The following WWOX variants were observed in gnomAD, a reference collection of about 807,000 sequenced individuals.
The protein encoded by WWOX is WW domain containing oxidoreductase, also known as WW domain-containing oxidoreductase.
A neutral mutation model predicts 46.2 loss-of-function variants in WWOX; 69 were observed. That is an observed-to-expected ratio of 1.49 (90% CI 1.23 to 1.82). WWOX has a LOEUF of 1.82. Among genes scored for constraint, WWOX ranks in the 40% most tolerant of loss-of-function variants. The pLI is 0.00. For synonymous variants in WWOX, 359 were observed against 202.6 expected (o/e 1.77, Z -6.56); for missense variants, 919 against 542.6 (o/e 1.69, Z -6.89).
chr16:79,101,667 C>G (rs1437269222), intron 8 of WWOX: 1 of 150,504 alleles, frequency 6.6e-6, no homozygotes, highest in African/African-American at 2.5e-5. Flanking sequence ...GAAGACGCAA[C>G]AGACAGAAAC....
intron 8 of WWOX, among the ~76,000 whole-genome samples, chr16:79,071,339 A>G (rs763292831): frequency 3.3e-5 from 5 of 152,186 alleles, no homozygotes; most frequent in Non-Finnish European, 5.9e-5. Context: ...AAGTTGGTGT[A>G]CTTGTTAAAG....
chr16:78,786,528 G>A (rs916167555), intron 8 of WWOX, among the ~76,000 whole-genome samples: 6 of 152,164 alleles, frequency 3.9e-5, no homozygotes, highest in Non-Finnish European at 7.4e-5. Context: ...CTTATATAAT[G>A]TTTTTCTTTT....
intron 8 of WWOX, chr16:78,757,104 T>G (rs1385712543): frequency 1.4e-6 from 1 of 692,556 alleles, no homozygotes; most frequent in Non-Finnish European, 2.6e-6. Context: ...ACTGGAACTT[T>G]ATTTGAGCCC....
intron 8 of WWOX, among the ~76,000 whole-genome samples, chr16:78,542,392 C>T (rs554125864): frequency 1.3e-5 from 2 of 152,228 alleles, no homozygotes; most frequent in African/African-American, 2.4e-5. Context: ...CAGAAGAAGA[C>T]AGAGTGGTGT....
intron 8 of WWOX, chr16:79,077,321 G>A (rs1379604909): frequency 6.6e-6 from 1 of 152,114 alleles, no homozygotes; most frequent in East Asian, 1.9e-4. Context: ...ATTTCAGCGT[G>A]GAACAGGGCA....
At chr16:78,679,303 C>G (rs1348365273) in intron 8 of WWOX, among the ~76,000 whole-genome samples, 2 of 152,206 alleles carry the variant, frequency 1.3e-5, no homozygotes, top group Non-Finnish European at 2.9e-5. Flanking sequence ...GTAATCCCAG[C>G]ACTTTGGGAG....
intron 8 of WWOX, among the ~76,000 whole-genome samples, chr16:78,972,563 T>G (rs563228451): frequency 1.4e-4 from 21 of 151,970 alleles, no homozygotes; most frequent in African/African-American, 5.1e-4. Context: ...AAATTTACCG[T>G]CATCAGCAGG....
At chr16:78,442,989 G>C (rs1463948358) in intron 8 of WWOX, among the ~76,000 whole-genome samples, 3 of 151,898 alleles carry the variant, frequency 2.0e-5, no homozygotes, top group Non-Finnish European at 4.4e-5. Flanking sequence ...CAGGCGTGGT[G>C]GTGGGGCGCG....
intron 8 of WWOX, among the ~76,000 whole-genome samples, chr16:79,038,525 TATC>T (rs1262238999): frequency 6.6e-6 from 1 of 152,234 alleles, no homozygotes; most frequent in Non-Finnish European, 1.5e-5. Flanking sequence ...AACAATATAT[TATC>T]AGAGTTTTCT....
chr16:78,823,713 A>T (rs1339376214), intron 8 of WWOX, among the ~76,000 whole-genome samples: 1 of 152,024 alleles, frequency 6.6e-6, no homozygotes, highest in African/African-American at 2.4e-5. Context: ...GCTGATATGC[A>T]TGTCTTAACT....
At chr16:78,833,725 C>T (rs557838236) in intron 8 of WWOX, among the ~76,000 whole-genome samples, 102 of 152,366 alleles carry the variant, frequency 6.7e-4, no homozygotes, top group Non-Finnish European at 1.2e-3. Context: ...TCAGCATCCT[C>T]TGTGAAACTG....
At chr16:78,631,338 G>C (rs971492581) in intron 8 of WWOX, among the ~76,000 whole-genome samples, 1 of 152,062 alleles carries the variant, frequency 6.6e-6, no homozygotes, top group Non-Finnish European at 1.5e-5. Flanking sequence ...TGGTTGCTGA[G>C]ACAGAGCTGG....
intron 8 of WWOX, among the ~76,000 whole-genome samples, chr16:78,594,069 T>TATAAAGTCTGCGGCAAGAGGATG: frequency 6.6e-6 from 1 of 152,154 alleles, no homozygotes; most frequent in Non-Finnish European, 1.5e-5. Context: ...TGATCACGTT[T>TATAAAGTCTGCGGCAAGAGGATG]ATAAAGTCTG....
intron 6 of WWOX, among the ~76,000 whole-genome samples, chr16:78,412,373 G>C (rs1048521406): frequency 5.5e-4 from 84 of 152,300 alleles, no homozygotes; most frequent in African/African-American, 2.0e-3. Flanking sequence ...AGATAAGACT[G>C]ACAGGTGGGA....
chr16:78,540,696 T>TA (rs112608692), intron 8 of WWOX, among the ~76,000 whole-genome samples: 1,871 of 145,148 alleles, frequency 0.013, 9 homozygotes, highest in Non-Finnish European at 0.02. Context: ...GATATTTTGT[T>TA]AAAAAAAAAA....
At chr16:78,696,451 G>A (rs2048101380) in intron 8 of WWOX, among the ~76,000 whole-genome samples, 5 of 151,968 alleles carry the variant, frequency 3.3e-5, no homozygotes, top group South Asian at 2.1e-4. Context: ...AGTAGAAACC[G>A]AACTTTACAT....
chr16:78,394,278 G>T (rs973462443), intron 6 of WWOX, among the ~76,000 whole-genome samples: 1 of 152,244 alleles, frequency 6.6e-6, no homozygotes, highest in East Asian at 1.9e-4. Context: ...AAAACCCAAA[G>T]AAAAGAAAAA....
chr16:78,959,007 G>A (rs1027983713), intron 8 of WWOX, among the ~76,000 whole-genome samples: 1 of 152,108 alleles, frequency 6.6e-6, no homozygotes, highest in African/African-American at 2.4e-5. Context: ...GTGAAAAAAG[G>A]GAGTTCTATA....
chr16:78,614,546 C>G (rs531545640), intron 8 of WWOX, among the ~76,000 whole-genome samples: 2 of 152,178 alleles, frequency 1.3e-5, no homozygotes, highest in African/African-American at 4.8e-5. Context: ...CCTTGGGGAG[C>G]AGATTGAACA....
Sources: allele counts gnomAD v4.1 joint callset (sites outside exome capture counted in the v4.1 genomes callset), GRCh38; gene constraint gnomAD v4.1.1; transcripts MANE v1.5; gene names NCBI Gene and HGNC (gene_info 2026-07-23, HGNC 2026-07-21).